Variants in ACTBL2 observed in about 807,000 individuals in gnomAD.
The protein encoded by ACTBL2 is actin beta like 2.
A neutral mutation model predicts 23.2 loss-of-function variants in ACTBL2; 29 were observed. The ratio of observed to expected loss-of-function variants is 1.25; its 90% CI spans 0.93 to 1.71. The LOEUF is 1.71. Ranked by LOEUF, ACTBL2 falls within the 40% of genes most tolerant of loss-of-function variation. ACTBL2 has a pLI of 0.00. For missense variants in ACTBL2, 524 were observed against 486.2 expected, an observed-to-expected ratio of 1.08 and a Z score of -0.73; for synonymous variants, 173 against 182.1, an observed-to-expected ratio of 0.95 and a Z score of 0.40.
At position 57,481,328 on chromosome 5, in the gene ACTBL2, C is replaced by A; in HGVS notation, c.*249G>T. The A allele has an allele frequency of 2.4e-6, 1 of 420,202 alleles. No homozygotes were observed. The highest frequency in any genetic ancestry group is 4.2e-6 in the Non-Finnish European group (1 of 236,298). The allele number at this position is 420,202 out of a possible 1,614,324, so 26.0% of individuals were successfully genotyped here. A position where few individuals can be genotyped will look rare whatever the true frequency, so the allele number is the denominator to read the frequency against. On this transcript the variant is annotated 3_prime_UTR_variant, in exon 1 of 1. Transcript: ENST00000423391. ...GTCACTTATATGTATTTAAGCTGGCCTACCTATCTTTGAACAGTATAGGCA... is the reference window on the plus strand; with the variant it reads ...GTCACTTATATGTATTTAAGCTGGCATACCTATCTTTGAACAGTATAGGCA...
At position 57,482,203 on chromosome 5, in the gene ACTBL2, C is replaced by A. The variant is rs749941418; in HGVS notation, c.505G>T (p.Gly169Cys). Residue 169 changes from glycine to cysteine, a missense_variant, in exon 1 of 1, where the codon GGT becomes TGT. Transcript: ENST00000423391. ...GVTHIVPIYE[G>C]YALPHAILRL... is the part of the protein sequence containing the mutation. Reference sequence around the variant, plus strand: ...AGAATGGCATGAGGCAGGGCATAACCTTCATAGATGGGCACGATGTGAGTG... The same window carrying A: ...AGAATGGCATGAGGCAGGGCATAACATTCATAGATGGGCACGATGTGAGTG... 3.1e-6 allele frequency: 5 copies of A among 1,614,160 alleles called. No homozygotes were observed. Among genetic ancestry groups the A allele is most frequent in the Non-Finnish European group, 4.2e-6 (5 of 1,180,046 alleles).
Position 57,482,635 on chromosome 5 carries a change from C to A in ACTBL2, c.73G>T (p.Asp25Tyr). ...SGMCKAGFGGDDAPRAVFPSM... is the reference protein window; with the variant it reads ...SGMCKAGFGGYDAPRAVFPSM... Reference sequence around the variant, plus strand: ...GGGAACACAGCCCGGGGGGCATCGTCACCACCAAAGCCTGCCTTGCACATC... The same window carrying A: ...GGGAACACAGCCCGGGGGGCATCGTAACCACCAAAGCCTGCCTTGCACATC... Residue 25 changes from aspartate to tyrosine, a missense_variant, in exon 1 of 1, where the codon GAC (aspartate) becomes TAC (tyrosine). Asp to Tyr is a radical substitution (Grantham distance 160, BLOSUM62 -3). Coordinates refer to ENST00000423391, the MANE Select transcript of ACTBL2 (RefSeq NM_001017992.4). 6.2e-7 allele frequency: 1 copy of A among 1,614,092 alleles called. No homozygotes were observed. Among genetic ancestry groups the A allele is most frequent in the Non-Finnish European group, 8.5e-7 (1 of 1,180,036 alleles).
chr5:57,481,370 G>T lies in ACTBL2; in HGVS notation c.*207C>A. The stretch of plus-strand genomic sequence containing the variant: ...GTATAGGCAAAGAAAAAGGAATATG[G>T]TATTAGAATTCACCTTCACTTGATG... On this transcript the variant is annotated 3_prime_UTR_variant, in exon 1 of 1. Coordinates refer to ENST00000423391, the MANE Select transcript of ACTBL2 (RefSeq NM_001017992.4). 1 of 608,802 alleles carries T rather than the reference G, an allele frequency of 1.6e-6. No homozygotes were observed. The highest frequency in any genetic ancestry group is 2.8e-6 in the Non-Finnish European group (1 of 353,096). 37.7% of individuals were successfully genotyped at this position (608,802 alleles called of 1,614,324 possible). A position where few individuals can be genotyped will look rare whatever the true frequency, so the allele number is the denominator to read the frequency against.
chr5:57,482,058 A>T lies in ACTBL2; in HGVS notation c.650T>A (p.Leu217Gln). 1 of 1,614,022 alleles carries T rather than the reference A, an allele frequency of 6.2e-7. No individual in the cohort carries two copies. Among genetic ancestry groups the T allele is most frequent in the Non-Finnish European group, 8.5e-7 (1 of 1,180,018 alleles). Residue 217 changes from leucine (L) to glutamine (Q), a missense_variant, in exon 1 of 1, where the codon CTG becomes CAG. Coordinates refer to ENST00000423391, the MANE Select transcript of ACTBL2 (RefSeq NM_001017992.4). ...CTCAAAGTCCAGGGCTACGTAGCAC[A>T]GCTTCTCTTTGACATCTCGCACAAT... is the stretch of plus-strand genomic sequence containing the variant. Reference protein sequence around the residue: ...REIVRDVKEKLCYVALDFEQE... With the variant: ...REIVRDVKEKQCYVALDFEQE...
chr5:57,481,681 C>T lies in ACTBL2; in HGVS notation c.1027G>A (p.Gly343Arg), dbSNP rs139421750. Residue 343 changes from glycine (G) to arginine (R), a missense_variant, in exon 1 of 1, where the codon GGG (glycine) becomes AGG (arginine). By Grantham distance (125) the Gly-to-Arg change is moderately radical. Coordinates refer to ENST00000423391, the MANE Select transcript of ACTBL2 (RefSeq NM_001017992.4). Reference protein sequence around the residue: ...PPERKYSVWIGGSILASLSTF... With the variant: ...PPERKYSVWIRGSILASLSTF... The stretch of plus-strand genomic sequence containing the variant: ...GACAGGCTGGCAAGGATGGAGCCCC[C>T]AATCCAAACAGAATACTTCCGCTCT... 9.0e-5 allele frequency: 145 copies of T among 1,614,062 alleles called. No individual in the cohort carries two copies. The African/African-American group carries it at 1.7e-3, about 19-fold the overall frequency.
chr5:57,481,752 A>G lies in ACTBL2; in HGVS notation c.956T>C (p.Ile319Thr). ...TTTCATGGTGCTGGGTGCCAGGGTT[A>G]TGATTTCTTTCTGCATCCTGTCAGC... is the stretch of plus-strand genomic sequence containing the variant. The part of the protein sequence containing the change: ...GIADRMQKEI[I>T]TLAPSTMKIK... The change falls in exon 1 of 1, where the codon ATA becomes ACA. Residue 319 changes from isoleucine (I) to threonine (T), a missense_variant. Ile to Thr is a moderately conservative substitution (Grantham distance 89, BLOSUM62 -1). Coordinates refer to ENST00000423391, the MANE Select transcript of ACTBL2 (RefSeq NM_001017992.4). The G allele has an allele frequency of 6.2e-7, 1 of 1,613,954 alleles. No homozygotes were observed.
chr5:57,482,681 C>T lies in ACTBL2; in HGVS notation c.27G>A (p.Leu9=), dbSNP rs779623761. The part of the protein sequence containing the change: MTDNELSA[L]VVDNGSGMCK... ...ACATCCCTGACCCATTATCCACTAC[C>T]AAGGCAGACAGCTCATTGTCAGTCA... The change falls in exon 1 of 1, where the codon TTG becomes TTA. Residue 9 remains leucine (L), a synonymous_variant. Transcript: ENST00000423391. 12 of 1,613,872 alleles carry T rather than the reference C, an allele frequency of 7.4e-6. No homozygotes were observed. Among genetic ancestry groups the T allele is most frequent in the Non-Finnish European group, 1.0e-5 (12 of 1,179,936 alleles).
rs1288515743 is a variant in ACTBL2 at position 57,482,277 on chromosome 5, T to C, written c.431A>G (p.Tyr144Cys). The change falls in exon 1 of 1, where the codon TAT (tyrosine) becomes TGT (cysteine). Residue 144 changes from tyrosine to cysteine, a missense_variant. Transcript: ENST00000423391. The stretch of plus-strand genomic sequence containing the variant: ...GATGCCTGTGGTCCGTCCTGAGGCA[T>C]AGAGGGACAGCACAGCCTGGATGGC... ...YVAIQAVLSL[Y>C]ASGRTTGIVM... 4.3e-6 allele frequency: 7 copies of C among 1,614,054 alleles called. No homozygotes were observed. In the South Asian group the frequency reaches 7.7e-5, roughly 18 times the overall value.
chr5:57,482,728 A>T lies in ACTBL2; in HGVS notation c.-21T>A. 1 of 1,610,376 alleles carries T rather than the reference A, an allele frequency of 6.2e-7. No homozygotes were observed. Among genetic ancestry groups the T allele is most frequent in the South Asian group, 1.1e-5 (1 of 90,512 alleles). ...GTCATGGTGCTGGCTGAGATCTTCC[A>T]GACGAGTGAACAGGACAAGTGAATA... On this transcript the variant is annotated 5_prime_UTR_variant, in exon 1 of 1. Coordinates refer to ENST00000423391, the MANE Select transcript of ACTBL2 (RefSeq NM_001017992.4).
Position 57,482,684 on chromosome 5 carries a change from G to C in ACTBL2, c.24C>G (p.Ala8=), listed in dbSNP as rs754472615. The C allele has an allele frequency of 6.2e-7, 1 of 1,613,940 alleles. No individual in the cohort carries two copies. Among genetic ancestry groups the C allele is most frequent in the Non-Finnish European group, 8.5e-7 (1 of 1,179,906 alleles). MTDNELS[A]LVVDNGSGMC... is the part of the protein sequence containing the mutation. ...TCCCTGACCCATTATCCACTACCAA[G>C]GCAGACAGCTCATTGTCAGTCATGG... Residue 8 remains alanine, a synonymous_variant, in exon 1 of 1, where the codon GCC becomes GCG. Transcript: ENST00000423391.
chr5:57,481,749 G>A lies in ACTBL2; in HGVS notation c.959C>T (p.Thr320Ile), dbSNP rs750211813. The change falls in exon 1 of 1, where the codon ACC (threonine) becomes ATC (isoleucine). Residue 320 changes from threonine to isoleucine, a missense_variant. Thr to Ile is a moderately conservative substitution (Grantham distance 89). Transcript: ENST00000423391. Reference protein sequence around the residue: ...IADRMQKEIITLAPSTMKIKI... With the variant: ...IADRMQKEIIILAPSTMKIKI... ...GATTTTCATGGTGCTGGGTGCCAGG[G>A]TTATGATTTCTTTCTGCATCCTGTC... 6.2e-7 allele frequency: 1 copy of A among 1,614,024 alleles called. No individual in the cohort carries two copies. The highest frequency in any genetic ancestry group is 8.5e-7 in the Non-Finnish European group (1 of 1,180,016).
rs1409142139 is a variant in ACTBL2, at chr5:57,481,815, G to A, written c.893C>T (p.Thr298Ile). 1 of 1,614,066 alleles carries A rather than the reference G, an allele frequency of 6.2e-7. No homozygotes were observed. The highest frequency in any genetic ancestry group is 8.5e-7 in the Non-Finnish European group (1 of 1,180,042). Residue 298 changes from threonine (T) to isoleucine (I), a missense_variant, in exon 1 of 1, where the codon ACC (threonine) becomes ATC (isoleucine). Physicochemically the swap from Thr to Ile is moderately conservative, Grantham distance 89. Coordinates refer to ENST00000423391, the MANE Select transcript of ACTBL2 (RefSeq NM_001017992.4). ...VDIRKDLYAN[T>I]VLSGGSTMYP... Reference sequence around the variant, plus strand: ...CATGGTGCTCCCTCCAGATAACACGGTGTTGGCATAGAGATCCTTGCGAAT... The same window carrying A: ...CATGGTGCTCCCTCCAGATAACACGATGTTGGCATAGAGATCCTTGCGAAT...
rs777510878 is a variant in ACTBL2 at position 57,482,233 on chromosome 5, C to CAT, written c.473_474dup (p.Gly159MetfsTer29). 1.5e-5 allele frequency: 25 copies of CAT among 1,614,128 alleles called. No individual in the cohort carries two copies. The highest frequency in any genetic ancestry group is 1.9e-5 in the Non-Finnish European group (23 of 1,180,036). On this transcript the variant is annotated frameshift_variant, in exon 1 of 1. Transcript: ENST00000423391. LOFTEE classifies it high-confidence loss of function. ...TAGATGGGCACGATGTGAGTGACCCCATCCCCAGAATCCATCACGATGCCT... is the reference window on the plus strand; with the variant it reads ...TAGATGGGCACGATGTGAGTGACCCCATATCCCCAGAATCCATCACGATGCCT...
chr5:57,482,776 A>G lies in ACTBL2; in HGVS notation c.-69T>C. 6.4e-7 allele frequency: 1 copy of G among 1,566,800 alleles called. No homozygotes were observed. Among genetic ancestry groups the G allele is most frequent in the Non-Finnish European group, 8.7e-7 (1 of 1,152,350 alleles). On this transcript the variant is annotated 5_prime_UTR_variant, in exon 1 of 1. Transcript: ENST00000423391. ...ATAGACAGTGAGTAAGAGAAAGTGA[A>G]CAGGCCTAAAACACTCCAGAAATGC...
chr5:57,482,520 C>T lies in ACTBL2; in HGVS notation c.188G>A (p.Arg63Lys). The change falls in exon 1 of 1, where the codon AGA (arginine) becomes AAA (lysine). Residue 63 changes from arginine to lysine, a missense_variant. Transcript: ENST00000423391. ...CYVGDEAQSK[R>K]GVLTLKYPIE... ...AGGATACTTCAGGGTCAGGACGCCT[C>T]TCTTGCTCTGAGCCTCATCTCCCAC... 6.2e-7 allele frequency: 1 copy of T among 1,614,106 alleles called. No homozygotes were observed. Among genetic ancestry groups the T allele is most frequent in the South Asian group, 1.1e-5 (1 of 91,038 alleles).
At position 57,480,178 on chromosome 5, in the gene ACTBL2, T is replaced by A. The variant is rs1451406761; in HGVS notation, c.*1399A>T. On this transcript the variant is annotated 3_prime_UTR_variant, in exon 1 of 1. Transcript: ENST00000423391. ...GAAAAGTATTACCTTAAACAAAAAA[T>A]TCTTACTGATTCCATTTTAAAGATT... 6.6e-6 allele frequency: 1 copy of A among 152,080 alleles called. No individual in the cohort carries two copies. The highest frequency in any genetic ancestry group is 1.5e-5 in the Non-Finnish European group (1 of 67,956). The allele number at this position is 152,080 out of a possible 1,614,324, so 9.4% of individuals were successfully genotyped here.
In ACTBL2 at chr5:57,480,269, TTA is replaced by T. The variant is rs1192558269; in HGVS notation, c.*1306_*1307del. ...AAGTGATTCCTTCCTCCAGAGTACC[TTA>T]TAATGCCTGAATAAGCAATCCAAAT... On this transcript the variant is annotated 3_prime_UTR_variant, in exon 1 of 1. Coordinates refer to ENST00000423391, the MANE Select transcript of ACTBL2 (RefSeq NM_001017992.4). 9 of 152,122 alleles carry T rather than the reference TTA, an allele frequency of 5.9e-5. No individual in the cohort carries two copies. Among genetic ancestry groups the T allele is most frequent in the Non-Finnish European group, 1.5e-5 (1 of 67,960 alleles). The allele number at this position is 152,122 out of a possible 1,614,324, so 9.4% of individuals were successfully genotyped here. A position where few individuals can be genotyped will look rare whatever the true frequency, so the allele number is the denominator to read the frequency against.
chr5:57,481,744 C>G lies in ACTBL2; in HGVS notation c.964G>C (p.Ala322Pro). 6.2e-7 allele frequency: 1 copy of G among 1,613,862 alleles called. No homozygotes were observed. The highest frequency in any genetic ancestry group is 1.3e-5 in the African/African-American group (1 of 74,968). The change falls in exon 1 of 1, where the codon GCA (alanine) becomes CCA (proline). Residue 322 changes from alanine (A) to proline (P), a missense_variant. Ala to Pro is a conservative substitution (Grantham distance 27). Coordinates refer to ENST00000423391, the MANE Select transcript of ACTBL2 (RefSeq NM_001017992.4). ...DRMQKEIITL[A>P]PSTMKIKIIA... The stretch of plus-strand genomic sequence containing the variant: ...ATCTTGATTTTCATGGTGCTGGGTG[C>G]CAGGGTTATGATTTCTTTCTGCATC...
Position 57,481,232 on chromosome 5 carries a change from G to A in ACTBL2, c.*345C>T, listed in dbSNP as rs1173235522. ...CTGTTCTTGTTAAATATTTTAGCGA[G>A]AACTAAGTTTTAAAGCTTGATAATT... On this transcript the variant is annotated 3_prime_UTR_variant, in exon 1 of 1. Transcript: ENST00000423391. The A allele has an allele frequency of 5.2e-6, 1 of 192,276 alleles. No homozygotes were observed. Among genetic ancestry groups the A allele is most frequent in the African/African-American group, 2.3e-5 (1 of 42,844 alleles). The allele number at this position is 192,276 out of a possible 1,614,324, so 11.9% of individuals were successfully genotyped here.
Sources: allele counts gnomAD v4.1 joint callset, GRCh38; gene constraint gnomAD v4.1.1; transcripts MANE v1.5; gene names NCBI Gene and HGNC (gene_info 2026-07-23, HGNC 2026-07-21).